The following RMI1 variants were observed in gnomAD, a reference collection of about 807,000 sequenced individuals.
The protein encoded by RMI1 is RecQ mediated genome instability 1.
Under a neutral mutation model 46.7 loss-of-function variants are expected in RMI1, and 36 were observed. The ratio of observed to expected loss-of-function variants is 0.77; its 90% CI spans 0.59 to 1.02. The LOEUF is 1.02. Among genes scored for constraint, RMI1 ranks in the 50% least tolerant of loss-of-function variants. The pLI is 0.00. For missense variants in RMI1, 676 were observed against 713.7 expected (o/e 0.95, Z 0.60); for synonymous variants, 250 against 252.9 (o/e 0.99, Z 0.11).
chr9:84,003,542 T>C lies in RMI1; in HGVS notation c.*678T>C, dbSNP rs2133136194. On this transcript the variant is annotated 3_prime_UTR_variant, in exon 3 of 3. Coordinates refer to ENST00000445877, the MANE Select transcript of RMI1 (RefSeq NM_001358291.2). ...ACCCTGAACATGCCTGAGCTTGTCATAATATGTTGAGTACCCAAAAGATTT... is the reference window on the plus strand; with the variant it reads ...ACCCTGAACATGCCTGAGCTTGTCACAATATGTTGAGTACCCAAAAGATTT... The C allele has an allele frequency of 6.0e-6, 1 of 166,734 alleles. No homozygotes were observed. The highest frequency in any genetic ancestry group is 1.5e-5 in the Non-Finnish European group (1 of 68,092). 10.3% of individuals were successfully genotyped at this position (166,734 alleles called of 1,614,324 possible). A position where few individuals can be genotyped will look rare whatever the true frequency, so the allele number is the denominator to read the frequency against.
In RMI1 at chr9:83,986,159, T is replaced by C. The variant is rs187152159; in HGVS notation, c.-126+5268T>C. Among the ~76,000 whole-genome samples, 251 of 152,346 alleles carry C rather than the reference T, an allele frequency of 1.6e-3. 5 individuals are homozygous for C. Among genetic ancestry groups the C allele is most frequent in the Non-Finnish European group, 2.9e-4 (20 of 68,038 alleles). On this transcript the variant is annotated intron_variant, in intron 1 of 2. Transcript: ENST00000445877. Reference sequence around the variant, plus strand: ...TTTATGTGCTATGTTAGTAGGGTTATAGCAAAAGGAAAAGTAGTACTTAAC... The same window carrying C: ...TTTATGTGCTATGTTAGTAGGGTTACAGCAAAAGGAAAAGTAGTACTTAAC...
intron 1 of RMI1, among the ~76,000 whole-genome samples, chr9:83,987,128 C>A (rs1026805800): frequency 1.3e-5 from 2 of 151,914 alleles, no homozygotes; most frequent in Non-Finnish European, 2.9e-5. Flanking sequence ...CAGTGGGAAA[C>A]CCTTGGCTCA....
At chr9:83,987,837 T>C (rs371722332) in intron 1 of RMI1, among the ~76,000 whole-genome samples, 71 of 152,346 alleles carry the variant, frequency 4.7e-4, no homozygotes, top group African/African-American at 1.7e-3. Context: ...TATTCCATTG[T>C]ATGGATATTA....
chr9:83,999,411 T>C (rs1386722113), intron 1 of RMI1, among the ~76,000 whole-genome samples: 1 of 152,160 alleles, frequency 6.6e-6, no homozygotes, highest in Non-Finnish European at 1.5e-5. Context: ...TATCATGAAG[T>C]TGAGTAACTT....
intron 1 of RMI1, among the ~76,000 whole-genome samples, chr9:83,994,351 CAT>C (rs1957619084): frequency 6.6e-6 from 1 of 152,132 alleles, no homozygotes; most frequent in South Asian, 2.1e-4. Context: ...CTTTTGGTGT[CAT>C]ATCCAAGAAA....
chr9:83,982,436 G>T (rs916962776), intron 1 of RMI1, among the ~76,000 whole-genome samples: 8 of 152,098 alleles, frequency 5.3e-5, no homozygotes, highest in African/African-American at 1.9e-4. Context: ...GGCCGAGGCG[G>T]GCGGACCACA....
chr9:83,988,892 C>G (rs145618235), intron 1 of RMI1, among the ~76,000 whole-genome samples: 1 of 152,154 alleles, frequency 6.6e-6, no homozygotes, highest in African/African-American at 2.4e-5. Context: ...GGGTCTTGCT[C>G]TGTTACCCAG....
At chr9:83,984,035 A>T (rs1301537331) in intron 1 of RMI1, among the ~76,000 whole-genome samples, 1 of 152,004 alleles carries the variant, frequency 6.6e-6, no homozygotes, top group African/African-American at 2.4e-5. Context: ...CTCAGTGGTA[A>T]ACTCTCTGCC....
At chr9:83,990,599 TAGAAG>T (rs1401888638) in intron 1 of RMI1, among the ~76,000 whole-genome samples, 3 of 151,720 alleles carry the variant, frequency 2.0e-5, no homozygotes, top group African/African-American at 4.8e-5. Flanking sequence ...TATTTCAAAA[TAGAAG>T]AGAAGGTTTG....
chr9:84,000,908 A>G, intron 2 of RMI1, 43 bp from the exon 3 acceptor site: 1 of 1,018,512 alleles, frequency 9.8e-7, no homozygotes, highest in Middle Eastern at 3.0e-4. Context: ...AGCTGTATTC[A>G]AATATACTGA....
chr9:83,996,662 A>G (rs959005514), intron 1 of RMI1, among the ~76,000 whole-genome samples: 2 of 152,166 alleles, frequency 1.3e-5, no homozygotes, highest in African/African-American at 2.4e-5. Context: ...TATATATCCT[A>G]TTAGATTAGT....
intron 1 of RMI1, chr9:83,981,141 G>T (rs1957378699): frequency 6.6e-6 from 1 of 152,408 alleles, no homozygotes. Flanking sequence ...CTTGCGCCGG[G>T]GCGGGAGCCG....
chr9:84,002,029 G>A lies in RMI1; in HGVS notation c.1043G>A (p.Ser348Asn), dbSNP rs1451443591. The A allele has an allele frequency of 1.2e-6, 2 of 1,613,988 alleles. No individual in the cohort carries two copies. Among genetic ancestry groups the A allele is most frequent in the Admixed American group, 1.7e-5 (1 of 59,996 alleles). Residue 348 changes from serine to asparagine, a missense_variant, in exon 3 of 3, where the codon AGT (serine) becomes AAT (asparagine). Physicochemically the swap from Ser to Asn is conservative, Grantham distance 46. Transcript: ENST00000445877. ...ACTTTTAACAGAAATGCCGATCGAAGTATAGAGAGATTTTCACATAATCCT... is the reference window on the plus strand; with the variant it reads ...ACTTTTAACAGAAATGCCGATCGAAATATAGAGAGATTTTCACATAATCCT... ...PLTFNRNADR[S>N]IERFSHNPNT... is the part of the protein sequence containing the mutation.
Position 84,000,957 on chromosome 9 carries a change from G to A in RMI1, c.-30G>A. On this transcript the variant is annotated 5_prime_UTR_variant, in exon 3 of 3. Coordinates refer to ENST00000445877, the MANE Select transcript of RMI1 (RefSeq NM_001358291.2). ...TTTTGTTTTTTGTTTTCAGGTAATAGATGCATATTATTTCTTTTATTTAAA... is the reference window on the plus strand; with the variant it reads ...TTTTGTTTTTTGTTTTCAGGTAATAAATGCATATTATTTCTTTTATTTAAA... The A allele has an allele frequency of 6.6e-7, 1 of 1,509,540 alleles. No individual in the cohort carries two copies. The highest frequency in any genetic ancestry group is 8.9e-7 in the Non-Finnish European group (1 of 1,120,770). The allele number at this position is 1,509,540 out of a possible 1,614,324, so 93.5% of individuals were successfully genotyped here.
intron 1 of RMI1, among the ~76,000 whole-genome samples, chr9:83,996,002 T>C (rs1957647089): frequency 6.6e-6 from 1 of 152,208 alleles, no homozygotes; most frequent in Non-Finnish European, 1.5e-5. Flanking sequence ...TTTAAAAAAC[T>C]GTCTTCAGGT....
At chr9:83,986,990 T>TA (rs1000565209) in intron 1 of RMI1, among the ~76,000 whole-genome samples, 1 of 152,350 alleles carries the variant, frequency 6.6e-6, no homozygotes. Flanking sequence ...ATTTAAATTT[T>TA]ACTGGAGGAA....
chr9:83,983,849 G>C (rs997237056), intron 1 of RMI1, among the ~76,000 whole-genome samples: 1 of 152,046 alleles, frequency 6.6e-6, no homozygotes, highest in Non-Finnish European at 1.5e-5. Flanking sequence ...TAAGCTGTAT[G>C]TAATTTTATA....
In RMI1 at chr9:84,002,300, A is replaced by T; in HGVS notation, c.1314A>T (p.Leu438Phe). The T allele has an allele frequency of 1.3e-6, 2 of 1,599,974 alleles. No homozygotes were observed. Among genetic ancestry groups the T allele is most frequent in the Non-Finnish European group, 1.7e-6 (2 of 1,169,792 alleles). The change falls in exon 3 of 3, where the codon TTA becomes TTT. Residue 438 changes from leucine to phenylalanine, a missense_variant. Coordinates refer to ENST00000445877, the MANE Select transcript of RMI1 (RefSeq NM_001358291.2). ...KQTSSSDSHS[L>F]NNKILNREVV... ...CCAGCAGTTCAGATAGCCATTCCTT[A>T]AATAATAAAATATTAAATAGAGAGG...
At chr9:84,000,080 T>C (rs1337382495) in intron 2 of RMI1, among the ~76,000 whole-genome samples, 1 of 152,208 alleles carries the variant, frequency 6.6e-6, no homozygotes, top group Admixed American at 6.5e-5. Flanking sequence ...CATATTCAAG[T>C]ACTAAATGGA....
Sources: allele counts gnomAD v4.1 joint callset (sites outside exome capture counted in the v4.1 genomes callset), GRCh38; gene constraint gnomAD v4.1.1; transcripts MANE v1.5; gene names NCBI Gene and HGNC (gene_info 2026-07-23, HGNC 2026-07-21).